BLOC1S6: variants seen among roughly 807,000 people sequenced by gnomAD.
BLOC1S6 encodes the protein biogenesis of lysosome-related organelles complex 1 subunit 6.
A neutral mutation model predicts 24.7 loss-of-function variants in BLOC1S6; 24 were observed. That is an observed-to-expected ratio of 0.97 (90% CI 0.70 to 1.37). BLOC1S6 has a LOEUF of 1.37. Ranked by LOEUF, BLOC1S6 falls within the 40% of genes most tolerant of loss-of-function variation. BLOC1S6 has a pLI of 0.00. For missense variants in BLOC1S6, 175 were observed against 196.2 expected, an observed-to-expected ratio of 0.89 and a Z score of 0.64; for synonymous variants, 76 against 72.6, an observed-to-expected ratio of 1.05 and a Z score of -0.23.
chr15:45,593,310 CAG>C (rs1222758333), intron 2 of BLOC1S6, among the ~76,000 whole-genome samples: 1 of 146,906 alleles, frequency 6.8e-6, no homozygotes. Flanking sequence ...CGCTCGAACT[CAG>C]GGGGCTGTTT....
At chr15:45,601,577 T>C (rs1003648261) in intron 2 of BLOC1S6, among the ~76,000 whole-genome samples, 3 of 152,220 alleles carry the variant, frequency 2.0e-5, no homozygotes, top group Non-Finnish European at 2.9e-5. Flanking sequence ...TATTATCCTT[T>C]TAATGTCATG....
chr15:45,587,461 G>T lies in BLOC1S6; in HGVS notation c.18G>T (p.Pro6=). 1 of 1,580,050 alleles carries T rather than the reference G, an allele frequency of 6.3e-7. No individual in the cohort carries two copies. Among genetic ancestry groups the T allele is most frequent in the Non-Finnish European group, 8.6e-7 (1 of 1,162,434 alleles). The change falls in exon 1 of 5, where the codon CCG becomes CCT. Residue 6 remains proline, a synonymous_variant. Coordinates refer to ENST00000220531, the MANE Select transcript of BLOC1S6 (RefSeq NM_012388.4). MSVPG[P]SSPDGALTRP... ...GGAGGGACATGAGTGTCCCTGGGCC[G>T]TCGTCTCCGGACGGGGCCCTGACAC...
chr15:45,594,341 A>G (rs1256030363), intron 2 of BLOC1S6, among the ~76,000 whole-genome samples: 2 of 152,172 alleles, frequency 1.3e-5, no homozygotes, highest in African/African-American at 4.8e-5. Context: ...CTAAAAAAAC[A>G]AGGTTCTGGG....
At chr15:45,600,660 G>T (rs1337580807) in intron 2 of BLOC1S6, among the ~76,000 whole-genome samples, 2 of 152,130 alleles carry the variant, frequency 1.3e-5, no homozygotes, top group African/African-American at 4.8e-5. Context: ...AATTTTACTT[G>T]GTTGTGGTAT....
At chr15:45,606,141 G>A (rs544279580) in intron 4 of BLOC1S6, among the ~76,000 whole-genome samples, 3 of 152,178 alleles carry the variant, frequency 2.0e-5, no homozygotes, top group South Asian at 2.1e-4. Context: ...TGCACTCTGA[G>A]CATTTTTACT....
chr15:45,591,826 C>T (rs764088129), intron 1 of BLOC1S6, among the ~76,000 whole-genome samples: 1 of 152,174 alleles, frequency 6.6e-6, no homozygotes, highest in Non-Finnish European at 1.5e-5. Context: ...ATTCATGACT[C>T]ATTTTTTAGA....
In BLOC1S6 at chr15:45,608,408, A is replaced by G. The variant is rs1043574429; in HGVS notation, c.*1894A>G. On this transcript the variant is annotated 3_prime_UTR_variant, in exon 5 of 5. Transcript: ENST00000220531. ...GTCACCTAAATTGCTGAATGTACTC[A>G]TTATAATATGATATCTGACAAAGGT... 1 of 152,248 alleles carries G rather than the reference A, an allele frequency of 6.6e-6. No homozygotes were observed. The highest frequency in any genetic ancestry group is 6.5e-5 in the Admixed American group (1 of 15,282). 9.4% of individuals were successfully genotyped at this position (152,248 alleles called of 1,614,324 possible). A position where few individuals can be genotyped will look rare whatever the true frequency, so the allele number is the denominator to read the frequency against.
At chr15:45,587,229 C>T (rs1893703109), upstream of BLOC1S6, 2 of 616,722 alleles carry the variant, frequency 3.2e-6, no homozygotes, top group Admixed American at 2.5e-5. Context: ...ACACTGCGTC[C>T]GGGGCCAGAC....
intron 1 of BLOC1S6, 54 bp from the exon 2 acceptor site, chr15:45,592,081 C>T (rs1360858575): frequency 6.3e-7 from 1 of 1,593,692 alleles, no homozygotes; most frequent in East Asian, 2.3e-5. Flanking sequence ...GTTGACCAGC[C>T]TAAAAAAATA....
intron 1 of BLOC1S6, 188 bp from the exon 2 acceptor site, chr15:45,591,947 A>G (rs903248291): frequency 5.4e-5 from 34 of 635,302 alleles, no homozygotes; most frequent in African/African-American, 3.9e-4. Flanking sequence ...CTACTCCCCA[A>G]CCTCCTTTTA....
intron 3 of BLOC1S6, 24 bp downstream of exon 3, chr15:45,603,211 A>G: frequency 6.9e-7 from 1 of 1,444,448 alleles, no homozygotes; most frequent in African/African-American, 1.4e-5. Flanking sequence ...AGTTGATGTA[A>G]TTTAATGACA....
rs564156372 is a variant in BLOC1S6, at chr15:45,609,574, G to C, written c.*3060G>C. ...ATATGCAAATGTTGAATGTAATATA[G>C]ATTGTGTCCTCATTGAGTTTTTGGG... On this transcript the variant is annotated 3_prime_UTR_variant, in exon 5 of 5. Coordinates refer to ENST00000220531, the MANE Select transcript of BLOC1S6 (RefSeq NM_012388.4). The C allele has an allele frequency of 1.2e-4, 19 of 152,272 alleles. No homozygotes were observed. Among genetic ancestry groups the C allele is most frequent in the African/African-American group, 4.6e-4 (19 of 41,560 alleles). 9.4% of individuals were successfully genotyped at this position (152,272 alleles called of 1,614,324 possible). A position where few individuals can be genotyped will look rare whatever the true frequency, so the allele number is the denominator to read the frequency against.
Position 45,606,058 on chromosome 15 carries a change from G to A in BLOC1S6, c.400-337G>A, listed in dbSNP as rs1194666877. Among the ~76,000 whole-genome samples the A allele has an allele frequency of 2.6e-5, 4 of 152,224 alleles. No individual in the cohort carries two copies. In the East Asian group the frequency reaches 5.8e-4, roughly 22 times the overall value. On this transcript the variant is annotated intron_variant, in intron 4 of 4. Transcript: ENST00000220531. ...TGAGCTCAAGCAGCCCTCTGGCCTC[G>A]ACCTCCCTAAGTGCTGGGATTACAG...
At chr15:45,596,294 CT>C (rs980589449) in intron 2 of BLOC1S6, among the ~76,000 whole-genome samples, 1 of 151,914 alleles carries the variant, frequency 6.6e-6, no homozygotes, top group African/African-American at 2.4e-5. Context: ...ATTTCCTGGG[CT>C]CAAGTGATCC....
intron 1 of BLOC1S6, chr15:45,591,915 T>G: frequency 3.7e-6 from 2 of 536,606 alleles, no homozygotes; most frequent in Non-Finnish European, 6.6e-6. Context: ...CTCAACCCCA[T>G]TTGTGGGCTC....
intron 1 of BLOC1S6, among the ~76,000 whole-genome samples, chr15:45,588,951 C>T (rs1893786470): frequency 6.6e-6 from 1 of 152,168 alleles, no homozygotes; most frequent in Non-Finnish European, 1.5e-5. Context: ...GTGCCAATTT[C>T]TTAGGAGGGC....
Position 45,608,113 on chromosome 15 carries a change from G to A in BLOC1S6, c.*1599G>A, listed in dbSNP as rs1032467173. On this transcript the variant is annotated 3_prime_UTR_variant, in exon 5 of 5. Transcript: ENST00000220531. ...TTTTATAATCCACAATACATTTCTG[G>A]TAAGATGGAATCACTACCTCTGATC... is the stretch of plus-strand genomic sequence containing the variant. 1 of 152,574 alleles carries A rather than the reference G, an allele frequency of 6.6e-6. No homozygotes were observed. The highest frequency in any genetic ancestry group is 1.5e-5 in the Non-Finnish European group (1 of 68,036). The allele number at this position is 152,574 out of a possible 1,614,324, so 9.5% of individuals were successfully genotyped here.
chr15:45,591,890 G>C, intron 1 of BLOC1S6: 1 of 492,408 alleles, frequency 2.0e-6, no homozygotes, highest in South Asian at 2.4e-5. Context: ...GTGGTTGGGA[G>C]ACTGTGTGTG....
At position 45,607,067 on chromosome 15, in the gene BLOC1S6, C is replaced by A. The variant is rs1023944264; in HGVS notation, c.*553C>A. On this transcript the variant is annotated 3_prime_UTR_variant, in exon 5 of 5. Coordinates refer to ENST00000220531, the MANE Select transcript of BLOC1S6 (RefSeq NM_012388.4). The stretch of plus-strand genomic sequence containing the variant: ...TGAGAGGAAGTGATACTCTTTATTA[C>A]AAGAAACAAGGAATTAACAAAAATA... 1 of 152,494 alleles carries A rather than the reference C, an allele frequency of 6.6e-6. No individual in the cohort carries two copies. The highest frequency in any genetic ancestry group is 1.5e-5 in the Non-Finnish European group (1 of 68,274). 9.4% of individuals were successfully genotyped at this position (152,494 alleles called of 1,614,324 possible).
Sources: gnomAD v4.1 joint callset for allele counts (sites outside exome capture counted in the v4.1 genomes callset) on GRCh38, gnomAD v4.1.1 for gene constraint, MANE v1.5 for transcripts, NCBI Gene and HGNC (gene_info 2026-07-23, HGNC 2026-07-21) for gene names.